Variants in CLOCK observed in about 807,000 individuals in gnomAD.
CLOCK encodes circadian locomoter output cycles protein kaput.
CLOCK carries 43 observed loss-of-function variants against 118.4 expected under a neutral mutation model. The observed-to-expected ratio is 0.36, with a 90% CI of 0.28 to 0.47. The LOEUF (loss-of-function observed/expected upper bound fraction) is 0.47, where lower values mean the gene tolerates loss of function less well. Ranked by LOEUF, CLOCK falls within the 20% of genes least tolerant of loss-of-function variation. The pLI, the probability that CLOCK is intolerant of heterozygous loss-of-function variation, is 1.00. For missense variants in CLOCK, 846 were observed against 999.9 expected, an observed-to-expected ratio of 0.85 and a Z score of 2.08; for synonymous variants, 326 against 339.2, an observed-to-expected ratio of 0.96 and a Z score of 0.43.
intron 1 of CLOCK, among the ~76,000 whole-genome samples, chr4:55,537,431 CAACATAGTGA>C (rs1426910041): frequency 6.6e-6 from 1 of 152,038 alleles, no homozygotes. Context: ...CCAGCCTGGG[CAACATAGTGA>C]AACCCTATCT....
At chr4:55,438,620 A>G in intron 21 of CLOCK, 83 bp from the exon 22 acceptor site, 1 of 1,598,332 alleles carries the variant, frequency 6.3e-7, no homozygotes, top group East Asian at 2.2e-5. Flanking sequence ...ATACTTACCT[A>G]AGATAATACC....
rs529508661 is a variant in CLOCK, at chr4:55,457,474, CTCA to C, written c.793-1177_793-1175del. ...GTTCACCAGTCTCCCTGTCCTTCAACTCATCTTCTCTTCTAGGGCCACAATTAC... is the reference window on the plus strand; with the variant it reads ...GTTCACCAGTCTCCCTGTCCTTCAACTCTTCTCTTCTAGGGCCACAATTAC... On this transcript the variant is annotated intron_variant, in intron 11 of 22. Transcript: ENST00000513440. Among the ~76,000 whole-genome samples the C allele has an allele frequency of 2.5e-3, 383 of 152,242 alleles. 3 individuals carry two copies. The highest frequency in any genetic ancestry group is 8.9e-3 in the African/African-American group (370 of 41,552).
intron 15 of CLOCK, among the ~76,000 whole-genome samples, chr4:55,450,969 T>G (rs6824955): frequency 0.7 from 105,630 of 151,506 alleles, 37,160 homozygotes; most frequent in South Asian, 0.81. Context: ...AATCTTTCCC[T>G]TCACCAATGT....
In CLOCK at chr4:55,476,105, C is replaced by T. The variant is rs1726494011; in HGVS notation, c.257-51G>A. The T allele has an allele frequency of 6.0e-6, 7 of 1,161,106 alleles. No homozygotes were observed. In the East Asian group the frequency reaches 1.6e-4, roughly 27 times the overall value. The allele number at this position is 1,161,106 out of a possible 1,614,324, so 71.9% of individuals were successfully genotyped here. On this transcript the variant is annotated intron_variant, in intron 6 of 22. Transcript: ENST00000513440. Reference sequence around the variant, plus strand: ...GCATACTCCAACCACCGGAGGAGTACAAAAGCCCTACAAGTTATCTTGTCT... The same window carrying T: ...GCATACTCCAACCACCGGAGGAGTATAAAAGCCCTACAAGTTATCTTGTCT...
In CLOCK at chr4:55,453,067, G is replaced by A. The variant is rs1262728513; in HGVS notation, c.1193C>T (p.Thr398Ile). Reference protein sequence around the residue: ...ELGIEESLPETAADKSQDSGS... With the variant: ...ELGIEESLPEIAADKSQDSGS... ...TAAGAAACATACTTTGTCAGCAGCT[G>A]TCTCAGGAAGAGACTCTTCAATGCC... Residue 398 changes from threonine (T) to isoleucine (I), a missense_variant, in exon 15 of 23, where the codon ACA (threonine) becomes ATA (isoleucine). By Grantham distance (89) the Thr-to-Ile change is moderately conservative. Transcript: ENST00000513440. 2.5e-6 allele frequency: 4 copies of A among 1,609,484 alleles called. No individual in the cohort carries two copies. Among genetic ancestry groups the A allele is most frequent in the Admixed American group, 3.3e-5 (2 of 59,966 alleles).
intron 5 of CLOCK, chr4:55,479,204 G>C (rs1411466804): frequency 9.5e-6 from 4 of 421,998 alleles, no homozygotes; most frequent in African/African-American, 2.0e-5. Flanking sequence ...ATGCCAATAA[G>C]AAAAACTGCA....
intron 1 of CLOCK, among the ~76,000 whole-genome samples, chr4:55,546,146 G>C (rs533294603): frequency 6.6e-6 from 1 of 152,290 alleles, no homozygotes; most frequent in South Asian, 2.1e-4. Context: ...AATAAAGTGG[G>C]TCACAAGGCC....
intron 2 of CLOCK, among the ~76,000 whole-genome samples, chr4:55,502,817 A>C (rs924204870): frequency 1.3e-4 from 20 of 152,170 alleles, no homozygotes; most frequent in African/African-American, 4.8e-4. Context: ...AAGACAACCA[A>C]CTCAACAGAA....
intron 1 of CLOCK, among the ~76,000 whole-genome samples, chr4:55,518,922 C>G (rs6822740): frequency 0.34 from 51,380 of 152,064 alleles, 9,379 homozygotes; most frequent in East Asian, 0.58. Context: ...AATGAGTACC[C>G]TCATGTCAAT....
chr4:55,537,743 A>G (rs1490990779), intron 1 of CLOCK, among the ~76,000 whole-genome samples: 1 of 152,242 alleles, frequency 6.6e-6, no homozygotes, highest in African/African-American at 2.4e-5. Context: ...GCAATGGGCC[A>G]TGATCACGAT....
intron 6 of CLOCK, among the ~76,000 whole-genome samples, chr4:55,478,224 T>A (rs889104870): frequency 2.0e-4 from 31 of 152,218 alleles, no homozygotes; most frequent in African/African-American, 7.2e-4. Context: ...GTCAAGATGA[T>A]TTTCTTCTAT....
chr4:55,530,125 G>T (rs1730441297), intron 1 of CLOCK, among the ~76,000 whole-genome samples: 1 of 152,062 alleles, frequency 6.6e-6, no homozygotes. Flanking sequence ...CATTTCAACT[G>T]AAAGGACCTA....
chr4:55,508,749 C>T (rs1053721113), intron 2 of CLOCK, among the ~76,000 whole-genome samples: 2 of 152,070 alleles, frequency 1.3e-5, no homozygotes, highest in Non-Finnish European at 2.9e-5. Flanking sequence ...CCTGCCACCA[C>T]GCCTGGCTAA....
chr4:55,496,562 T>C (rs1728102036), intron 2 of CLOCK, among the ~76,000 whole-genome samples: 5 of 152,256 alleles, frequency 3.3e-5, no homozygotes, highest in Admixed American at 6.5e-5. Context: ...TTAATATAGT[T>C]CAAGTTGTGC....
intron 2 of CLOCK, among the ~76,000 whole-genome samples, chr4:55,496,183 C>A (rs1437639596): frequency 6.7e-6 from 1 of 149,952 alleles, no homozygotes; most frequent in Non-Finnish European, 1.5e-5. Flanking sequence ...AGCGAGAGGT[C>A]GTCTCAAAAA....
chr4:55,528,486 T>C (rs1370670871), intron 1 of CLOCK, among the ~76,000 whole-genome samples: 1 of 152,158 alleles, frequency 6.6e-6, no homozygotes, highest in Non-Finnish European at 1.5e-5. Context: ...ACACTCATGT[T>C]TGCCGCCCCT....
chr4:55,444,521 G>T, intron 19 of CLOCK, 112 bp downstream of exon 19: 1 of 1,273,666 alleles, frequency 7.9e-7, no homozygotes, highest in Non-Finnish European at 1.1e-6. Flanking sequence ...TTATTGAACT[G>T]AATTGATAAA....
intron 11 of CLOCK, 103 bp from the exon 12 acceptor site, chr4:55,456,403 C>A: frequency 1.3e-6 from 1 of 746,338 alleles, no homozygotes; most frequent in Non-Finnish European, 2.2e-6. Flanking sequence ...TGGCTCACAC[C>A]TGTAATCCCA....
chr4:55,475,891 C>G, intron 7 of CLOCK, 72 bp downstream of exon 7: 1 of 1,012,880 alleles, frequency 9.9e-7, no homozygotes, highest in Non-Finnish European at 1.5e-6. Flanking sequence ...CAAGGTACAC[C>G]TGGATATTAA....
Sources: allele counts gnomAD v4.1 joint callset (sites outside exome capture counted in the v4.1 genomes callset), GRCh38; gene constraint gnomAD v4.1.1; transcripts MANE v1.5; gene names NCBI Gene and HGNC (gene_info 2026-07-23, HGNC 2026-07-21).